MPDZ: variants seen among roughly 807,000 people sequenced by gnomAD.
The protein encoded by MPDZ is multiple PDZ domain protein.
A neutral mutation model predicts 239.1 loss-of-function variants in MPDZ; 234 were observed. The ratio of observed to expected loss-of-function variants is 0.98; its 90% confidence interval spans 0.88 to 1.09. MPDZ has a LOEUF of 1.09. Among genes scored for constraint, MPDZ ranks in the 50% least tolerant of loss-of-function variants. The pLI is 0.00. For synonymous variants in MPDZ, 1,048 were observed against 881.3 expected (o/e 1.19, Z -3.35); for missense variants, 3,175 against 2,510.0 (o/e 1.26, Z -5.66).
At chr9:13,272,390 A>C (rs1973183027) in intron 1 of MPDZ, among the ~76,000 whole-genome samples, 1 of 152,158 alleles carries the variant, frequency 6.6e-6, no homozygotes, top group Admixed American at 6.5e-5. Flanking sequence ...CTAACCCGAT[A>C]TATATTCAAT....
chr9:13,221,238 TA>T, intron 7 of MPDZ, 133 bp downstream of exon 7: 1 of 976,692 alleles, frequency 1.0e-6, no homozygotes, highest in Non-Finnish European at 1.4e-6. Flanking sequence ...GGACACTCAA[TA>T]AAACGAAAGA....
chr9:13,273,397 T>C (rs1319357223), intron 1 of MPDZ, among the ~76,000 whole-genome samples: 2 of 152,230 alleles, frequency 1.3e-5, no homozygotes, highest in Non-Finnish European at 2.9e-5. Context: ...TAGCTTCTCA[T>C]GACCATTTTC....
chr9:13,204,147 T>A lies in MPDZ; in HGVS notation c.1546+889A>T, dbSNP rs1956727918. Among the ~76,000 whole-genome samples the A allele has an allele frequency of 2.0e-5, 3 of 152,146 alleles. No individual in the cohort carries two copies. In the South Asian group the frequency reaches 6.2e-4, roughly 31 times the overall value. On this transcript the variant is annotated intron_variant, in intron 12 of 46. Transcript: ENST00000319217. ...ACAACAAAGCTTCGGTATAAGTATA[T>A]TCACATGAAGGGAGGGAGATCAGTC...
chr9:13,159,177 G>A (rs529295439), intron 23 of MPDZ, among the ~76,000 whole-genome samples: 3 of 152,132 alleles, frequency 2.0e-5, no homozygotes, highest in Admixed American at 6.6e-5. Flanking sequence ...GCTTGAATGC[G>A]CTTTGCAACA....
At chr9:13,246,118 C>T (rs1271703963) in intron 3 of MPDZ, among the ~76,000 whole-genome samples, 2 of 152,116 alleles carry the variant, frequency 1.3e-5, no homozygotes, top group Non-Finnish European at 2.9e-5. Context: ...ACTGGTTTCT[C>T]CAAAAGCTTA....
chr9:13,263,574 C>A (rs770511786), intron 1 of MPDZ, among the ~76,000 whole-genome samples: 22 of 152,126 alleles, frequency 1.4e-4, no homozygotes, highest in Admixed American at 5.2e-4. Context: ...CATAAAGAAT[C>A]ATTTTCAGTT....
chr9:13,269,500 CAT>C (rs1972502435), intron 1 of MPDZ, among the ~76,000 whole-genome samples: 1 of 151,978 alleles, frequency 6.6e-6, no homozygotes, highest in South Asian at 2.1e-4. Flanking sequence ...AAATAGTGTA[CAT>C]ATAGAGAGGA....
intron 1 of MPDZ, among the ~76,000 whole-genome samples, chr9:13,257,788 T>C (rs1969785025): frequency 6.6e-6 from 1 of 152,328 alleles, no homozygotes; most frequent in African/African-American, 2.4e-5. Context: ...TAGTTAAATT[T>C]GAATTTCAGG....
rs1278800286 is a variant in MPDZ, at chr9:13,123,299, C to A, written c.4808-1G>T. On this transcript the variant is annotated splice_acceptor_variant, in intron 35 of 46. Transcript: ENST00000319217. LOFTEE classifies it high-confidence loss of function. ...GCTGGTGTTGATGATCTGCTTGTAT[C>A]TAAAAATAAGTTAAAAATGAAATAC... The A allele has an allele frequency of 6.3e-7, 1 of 1,599,744 alleles. No homozygotes were observed. Among genetic ancestry groups the A allele is most frequent in the East Asian group, 2.3e-5 (1 of 44,142 alleles).
intron 39 of MPDZ, among the ~76,000 whole-genome samples, chr9:13,116,670 T>C (rs1943505569): frequency 6.6e-6 from 1 of 152,194 alleles, no homozygotes; most frequent in African/African-American, 2.4e-5. Context: ...GTTGCGACCC[T>C]TTCACCTACC....
chr9:13,200,823 G>A (rs1430602763), intron 12 of MPDZ, among the ~76,000 whole-genome samples: 3 of 151,922 alleles, frequency 2.0e-5, no homozygotes, highest in Non-Finnish European at 4.4e-5. Context: ...CTTGTTTTGT[G>A]ACCTAATATA....
intron 1 of MPDZ, among the ~76,000 whole-genome samples, chr9:13,276,922 T>C (rs1457148336): frequency 6.6e-6 from 1 of 152,206 alleles, no homozygotes; most frequent in Admixed American, 6.5e-5. Context: ...ATTCACTTGA[T>C]CATTTGTCAA....
At chr9:13,262,458 T>C (rs1302791562) in intron 1 of MPDZ, among the ~76,000 whole-genome samples, 1 of 151,690 alleles carries the variant, frequency 6.6e-6, no homozygotes, top group Non-Finnish European at 1.5e-5. Context: ...CTCAAAAAAA[T>C]AATAATAAAA....
At chr9:13,267,801 T>C (rs10809923) in intron 1 of MPDZ, among the ~76,000 whole-genome samples, 120,819 of 152,040 alleles carry the variant, frequency 0.79, 48,567 homozygotes, top group East Asian at 1. Context: ...TCTCAGAAAA[T>C]TCCTTAGCAT....
At chr9:13,133,101 T>C (rs189977198) in intron 32 of MPDZ, among the ~76,000 whole-genome samples, 23 of 152,316 alleles carry the variant, frequency 1.5e-4, no homozygotes, top group African/African-American at 5.5e-4. Flanking sequence ...AAATGTTTCA[T>C]AATTAACAAA....
chr9:13,135,067 C>G (rs1449277090), intron 31 of MPDZ: 1 of 152,162 alleles, frequency 6.6e-6, no homozygotes, highest in African/African-American at 2.4e-5. Flanking sequence ...AACTGGAGAC[C>G]AAATGTCCCA....
Position 13,212,820 on chromosome 9 carries a change from G to C in MPDZ, c.1290+3954C>G, listed in dbSNP as rs537945833. Among the ~76,000 whole-genome samples, 4 of 143,316 alleles carry C rather than the reference G, an allele frequency of 2.8e-5. No individual in the cohort carries two copies. In the East Asian group the frequency reaches 6.3e-4, roughly 23 times the overall value. 94.0% of individuals were successfully genotyped at this position (143,316 alleles called of 152,430 possible). A position where few individuals can be genotyped will look rare whatever the true frequency, so the allele number is the denominator to read the frequency against. On this transcript the variant is annotated intron_variant, in intron 10 of 46. Coordinates refer to ENST00000319217, the MANE Select transcript of MPDZ (RefSeq NM_001378778.1). Reference sequence around the variant, plus strand: ...AAAAAAAAAAAAAAAAAAAAGAAGAGAGCCAACATCCTCGTAGTGTGCACT... The same window carrying C: ...AAAAAAAAAAAAAAAAAAAAGAAGACAGCCAACATCCTCGTAGTGTGCACT...
At chr9:13,160,579 T>G (rs1277300518) in intron 23 of MPDZ, among the ~76,000 whole-genome samples, 1 of 151,768 alleles carries the variant, frequency 6.6e-6, no homozygotes, top group African/African-American at 2.4e-5. Context: ...AAATAATTGA[T>G]TTTACCAGTT....
intron 12 of MPDZ, among the ~76,000 whole-genome samples, chr9:13,197,070 C>G (rs887196365): frequency 6.6e-6 from 1 of 151,712 alleles, no homozygotes; most frequent in African/African-American, 2.4e-5. Context: ...TATCCAGGAG[C>G]TTTCATTCCA....
Sources: gnomAD v4.1 joint callset for allele counts (sites outside exome capture counted in the v4.1 genomes callset) on GRCh38, gnomAD v4.1.1 for gene constraint, MANE v1.5 for transcripts, NCBI Gene and HGNC (gene_info 2026-07-23, HGNC 2026-07-21) for gene names.